The following FADS2 variants were observed in gnomAD, a reference collection of about 807,000 sequenced individuals.
FADS2 encodes the protein fatty acid desaturase 2.
In FADS2, 18 loss-of-function variants were observed where a neutral mutation model predicts 61.2. The observed-to-expected ratio is 0.29, with a 90% CI of 0.20 to 0.44. The LOEUF (loss-of-function observed/expected upper bound fraction) is 0.44. Among genes scored for constraint, FADS2 ranks in the 20% least tolerant of loss-of-function variants. The pLI is 1.00. For missense variants in FADS2, 322 were observed against 572.7 expected, an observed-to-expected ratio of 0.56 and a Z score of 4.47; for synonymous variants, 203 against 223.9, an observed-to-expected ratio of 0.91 and a Z score of 0.83.
chr11:61,862,918 G>T (rs1206178099), intron 7 of FADS2, 54 bp from the exon 8 acceptor site: 1 of 1,433,762 alleles, frequency 7.0e-7, no homozygotes, highest in Non-Finnish European at 9.8e-7. Context: ...GCACGCACTT[G>T]GTGCCAGGGC....
chr11:61,822,040 G>T (rs1159774765), intron 1 of FADS2, among the ~76,000 whole-genome samples: 1 of 152,052 alleles, frequency 6.6e-6, no homozygotes, highest in Non-Finnish European at 1.5e-5. Context: ...TGCTGTCTTG[G>T]CTCACTGCAA....
In FADS2 at chr11:61,840,426, G is replaced by C. The variant is rs780566773; in HGVS notation, c.411G>C (p.Leu137=). 1.9e-6 allele frequency: 3 copies of C among 1,614,124 alleles called. No individual in the cohort carries two copies. The highest frequency in any genetic ancestry group is 8.5e-7 in the Non-Finnish European group (1 of 1,180,000). Residue 137 remains leucine (L), a synonymous_variant, in exon 3 of 12, where the codon CTG becomes CTC. Transcript: ENST00000278840. The part of the protein sequence containing the change: ...KTNHVFFLLL[L]AHIIALESIA... Reference sequence around the variant, plus strand: ...ACCACGTGTTCTTCCTCCTCCTCCTGGCCCACATCATCGCCCTGGAGAGCA... The same window carrying C: ...ACCACGTGTTCTTCCTCCTCCTCCTCGCCCACATCATCGCCCTGGAGAGCA...
chr11:61,847,879 G>A (rs549450096), intron 4 of FADS2: 11 of 397,874 alleles, frequency 2.8e-5, no homozygotes, highest in East Asian at 1.1e-4. Context: ...CTGCTGGAGC[G>A]CTCACCGTGT....
chr11:61,849,118 A>C (rs879572669), intron 5 of FADS2, among the ~76,000 whole-genome samples: 7 of 152,120 alleles, frequency 4.6e-5, no homozygotes, highest in Non-Finnish European at 8.8e-5. Context: ...GCTGGTCTCA[A>C]ACTCCTGACC....
intron 1 of FADS2, among the ~76,000 whole-genome samples, chr11:61,830,887 C>T (rs558583132): frequency 2.6e-5 from 4 of 152,252 alleles, no homozygotes; most frequent in African/African-American, 9.6e-5. Flanking sequence ...TATGAAACAG[C>T]TAGAATGGAA....
chr11:61,848,463 G>A (rs1341242900), intron 5 of FADS2, among the ~76,000 whole-genome samples, 179 bp downstream of exon 5: 1 of 152,130 alleles, frequency 6.6e-6, no homozygotes, highest in Non-Finnish European at 1.5e-5. Context: ...GCCTGAGCAG[G>A]GAGCAGGGAA....
intron 6 of FADS2, 96 bp downstream of exon 6, chr11:61,857,167 A>G (rs1431654111): frequency 1.8e-5 from 20 of 1,104,786 alleles, no homozygotes; most frequent in Non-Finnish European, 2.6e-5. Flanking sequence ...TCAGATCCAG[A>G]AAGTGACACT....
chr11:61,849,979 C>T (rs1053863589), intron 5 of FADS2, among the ~76,000 whole-genome samples: 16 of 152,094 alleles, frequency 1.1e-4, no homozygotes, highest in African/African-American at 3.9e-4. Context: ...CTGCAATGAG[C>T]TATGATTGCA....
Position 61,816,539 on chromosome 11 carries a change from G to T in FADS2, c.141+113G>T, listed in dbSNP as rs780633289. On this transcript the variant is annotated intron_variant, in intron 1 of 11. Transcript: ENST00000257261. This position sits in a 1 kb window ranked among gnomAD's most constrained non-coding sequence, Gnocchi z 7.0. ...CGGTCCCGCCCTCTCCTGTGCCCCC[G>T]CCTGGCTGCGCTCACCGTGGCATCC... The T allele has an allele frequency of 1.9e-6, 3 of 1,598,088 alleles. 1 individual carries two copies. Among genetic ancestry groups the T allele is most frequent in the South Asian group, 2.2e-5 (2 of 89,234 alleles).
At chr11:61,833,003 C>A (rs2067141279) in intron 1 of FADS2, among the ~76,000 whole-genome samples, 1 of 152,188 alleles carries the variant, frequency 6.6e-6, no homozygotes, top group Non-Finnish European at 1.5e-5. Flanking sequence ...TGAGTTGTAC[C>A]CAGAGTGGGG....
At chr11:61,840,913 A>C (rs1483449914) in intron 4 of FADS2, among the ~76,000 whole-genome samples, 188 bp downstream of exon 4, 1 of 152,120 alleles carries the variant, frequency 6.6e-6, no homozygotes, top group East Asian at 1.9e-4. Flanking sequence ...TCCGAACCAC[A>C]AAGCCATGGT....
rs540346921 is a variant in FADS2, at chr11:61,817,018, C to A, written c.141+592C>A. ...GCTGGGCTGCCAACACGCGCCCCCT[C>A]GCGGGCTCCCTAAAGGCGTCGCCGC... is the stretch of plus-strand genomic sequence containing the variant. On this transcript the variant is annotated intron_variant, in intron 1 of 11. Coordinates refer to the FADS2 transcript ENST00000257261. The A allele has an allele frequency of 1.1e-4, 151 of 1,316,398 alleles. 1 individual carries two copies. In the South Asian group the frequency reaches 2.9e-3, roughly 25 times the overall value. 81.5% of individuals were successfully genotyped at this position (1,316,398 alleles called of 1,614,324 possible).
At chr11:61,861,262 G>A (rs2067411647) in intron 7 of FADS2, among the ~76,000 whole-genome samples, 1 of 147,572 alleles carries the variant, frequency 6.8e-6, no homozygotes, top group Admixed American at 6.8e-5. Flanking sequence ...GCTGAGGCAG[G>A]AGAATGGTAT....
intron 4 of FADS2, among the ~76,000 whole-genome samples, chr11:61,845,226 T>G (rs1241642099): frequency 6.6e-6 from 1 of 151,612 alleles, no homozygotes; most frequent in Non-Finnish European, 1.5e-5. Flanking sequence ...CTGGCCAACT[T>G]CTCCAGCTGC....
At chr11:61,848,751 G>C (rs1047666670) in intron 5 of FADS2, 13 of 167,548 alleles carry the variant, frequency 7.8e-5, no homozygotes, top group Non-Finnish European at 1.4e-4. Flanking sequence ...GTCGCCAACC[G>C]ACTAGCTCAT....
Position 61,840,336 on chromosome 11 carries a change from A to G in FADS2, c.321A>G (p.Ser107=). 6.2e-7 allele frequency: 1 copy of G among 1,613,746 alleles called. No individual in the cohort carries two copies. The highest frequency in any genetic ancestry group is 8.5e-7 in the Non-Finnish European group (1 of 1,179,746). ...EEPSQDHGKN[S]KITEDFRALR... ...TTCCCTGTGCTCTTGGTCAACAGTCAAAGATCACTGAGGACTTCCGGGCCC... is the reference window on the plus strand; with the variant it reads ...TTCCCTGTGCTCTTGGTCAACAGTCGAAGATCACTGAGGACTTCCGGGCCC... Residue 107 remains serine (S), a splice_region_variant and synonymous_variant, in exon 3 of 12, where the codon TCA becomes TCG. Transcript: ENST00000278840.
upstream of FADS2, among the ~76,000 whole-genome samples, chr11:61,824,419 AG>A (rs2067055478): frequency 4.7e-4 from 5 of 10,592 alleles, no homozygotes; most frequent in South Asian, 5.1e-3. Flanking sequence ...AGAGAGAGAG[AG>A]AGAGAGAGAG....
chr11:61,824,787 G>A (rs1390678233), upstream of FADS2, among the ~76,000 whole-genome samples: 1 of 152,118 alleles, frequency 6.6e-6, no homozygotes, highest in African/African-American at 2.4e-5. Context: ...CCATTAAACT[G>A]GAATTAATCC....
Position 61,865,571 on chromosome 11 carries a change from A to G in FADS2, c.1284-67A>G, listed in dbSNP as rs573699818. The G allele has an allele frequency of 2.8e-6, 4 of 1,436,612 alleles. No homozygotes were observed. Among genetic ancestry groups the G allele is most frequent in the East Asian group, 4.7e-5 (2 of 42,992 alleles). The allele number at this position is 1,436,612 out of a possible 1,614,324, so 89.0% of individuals were successfully genotyped here. A position where few individuals can be genotyped will look rare whatever the true frequency, so the allele number is the denominator to read the frequency against. On this transcript the variant is annotated intron_variant, in intron 11 of 11. Coordinates refer to ENST00000278840, the MANE Select transcript of FADS2 (RefSeq NM_004265.4). The surrounding 1 kb of genome is among the most constrained non-coding windows in gnomAD (Gnocchi z 4.1). ...ATGCCACCTTAATGATGGCCTCCTC[A>G]GCCCTTGCACTCCCTGGGGCCACTC...
Sources: allele counts gnomAD v4.1 joint callset (sites outside exome capture counted in the v4.1 genomes callset), GRCh38; gene constraint gnomAD v4.1.1; non-coding constraint Gnocchi (gnomAD v3.1); transcripts MANE v1.5; gene names NCBI Gene and HGNC (gene_info 2026-07-23, HGNC 2026-07-21).